Variants in AGPS observed in about 807,000 individuals in gnomAD.
AGPS encodes the protein alkyldihydroxyacetonephosphate synthase, peroxisomal.
Under a neutral mutation model 90.7 loss-of-function variants are expected in AGPS, and 26 were observed. The observed-to-expected ratio is 0.29, with a 90% CI of 0.21 to 0.40. AGPS has a LOEUF of 0.40. Among genes scored for constraint, AGPS ranks in the 10% least tolerant of loss-of-function variants. AGPS has a pLI of 1.00. For missense variants in AGPS, 540 were observed against 816.1 expected (o/e 0.66, Z 4.12); for synonymous variants, 294 against 285.3 (o/e 1.03, Z -0.31).
chr2:177,528,852 T>TC (rs1258644985), intron 19 of AGPS, among the ~76,000 whole-genome samples: 1 of 135,398 alleles, frequency 7.4e-6, no homozygotes, highest in Non-Finnish European at 1.6e-5. Context: ...ATTAATCCTT[T>TC]TTTTTTTTTT....
chr2:177,409,388 C>A (rs907412726), intron 1 of AGPS, among the ~76,000 whole-genome samples: 23 of 144,526 alleles, frequency 1.6e-4, no homozygotes, highest in Admixed American at 1.5e-3. Flanking sequence ...TATGATTTGA[C>A]TTTTTTTTTT....
intron 2 of AGPS, among the ~76,000 whole-genome samples, chr2:177,428,968 A>G (rs1054464923): frequency 1.3e-5 from 2 of 152,092 alleles, no homozygotes; most frequent in African/African-American, 4.8e-5. Flanking sequence ...TCATAGGTTC[A>G]GTCTTTTTTA....
At chr2:177,531,852 C>T (rs1201947299) in intron 19 of AGPS, among the ~76,000 whole-genome samples, 1 of 151,384 alleles carries the variant, frequency 6.6e-6, no homozygotes, top group African/African-American at 2.4e-5. Flanking sequence ...ATATGCCAAG[C>T]TGAGTTTGAC....
intron 1 of AGPS, among the ~76,000 whole-genome samples, chr2:177,413,843 A>G (rs1685708717): frequency 6.6e-6 from 1 of 152,206 alleles, no homozygotes; most frequent in South Asian, 2.1e-4. Flanking sequence ...AACATACACT[A>G]CTAAATGTAT....
At chr2:177,489,154 G>A (rs1056290710) in intron 11 of AGPS, among the ~76,000 whole-genome samples, 4 of 147,852 alleles carry the variant, frequency 2.7e-5, no homozygotes, top group Admixed American at 6.9e-5. Context: ...GTGCGATCTC[G>A]GCTCACTGCA....
At chr2:177,501,138 T>C (rs1383534032) in intron 14 of AGPS, among the ~76,000 whole-genome samples, 1 of 152,178 alleles carries the variant, frequency 6.6e-6, no homozygotes, top group African/African-American at 2.4e-5. Context: ...TACTTGGATT[T>C]CATAATTTCT....
chr2:177,467,707 T>C (rs954925536), intron 9 of AGPS, among the ~76,000 whole-genome samples: 15 of 152,276 alleles, frequency 9.9e-5, no homozygotes, highest in Admixed American at 7.8e-4. Flanking sequence ...CTCATTTCCT[T>C]CAATAATAAA....
rs529599847 is a variant in AGPS, at chr2:177,529,245, G to A, written c.1855+5440G>A. Among the ~76,000 whole-genome samples, 107 of 152,250 alleles carry A rather than the reference G, an allele frequency of 7.0e-4. No homozygotes were observed. The Middle Eastern group carries it at 0.01, about 15-fold the overall frequency. On this transcript the variant is annotated intron_variant, in intron 19 of 19. Transcript: ENST00000264167. ...ACTTTGGGAGGCCCAGGCAGAAAGA[G>A]TGCTTGAGCCCAGGAGTTTGAGACA...
chr2:177,455,870 G>C (rs1687096133), intron 8 of AGPS, among the ~76,000 whole-genome samples: 1 of 151,858 alleles, frequency 6.6e-6, no homozygotes, highest in Admixed American at 6.6e-5. Flanking sequence ...TATATCTGAA[G>C]GTCAGCTTGT....
At position 177,538,536 on chromosome 2, in the gene AGPS, A is replaced by G. The variant is rs942148579; in HGVS notation, c.*341A>G. 3 of 332,572 alleles carry G rather than the reference A, an allele frequency of 9.0e-6. No homozygotes were observed. Among genetic ancestry groups the G allele is most frequent in the South Asian group, 2.7e-5 (1 of 36,600 alleles). The allele number at this position is 332,572 out of a possible 1,614,324, so 20.6% of individuals were successfully genotyped here. Reference sequence around the variant, plus strand: ...CTTGGGGAACAAAGACAGATTTGGTATCATTGATTGCTCAGCTAGCCTCTT... The same window carrying G: ...CTTGGGGAACAAAGACAGATTTGGTGTCATTGATTGCTCAGCTAGCCTCTT... On this transcript the variant is annotated 3_prime_UTR_variant, in exon 20 of 20. Transcript: ENST00000264167.
rs570826449 is a variant in AGPS at position 177,488,370 on chromosome 2, G to A, written c.1234-4778G>A. Among the ~76,000 whole-genome samples, 24 of 151,850 alleles carry A rather than the reference G, an allele frequency of 1.6e-4. 1 individual carries two copies. The East Asian group carries it at 3.5e-3, about 22-fold the overall frequency. ...TGGGACTACAGGCGCCCGCCACCAC[G>A]CCCTGCTAATTTTGTTTTTGTATTT... On this transcript the variant is annotated intron_variant, in intron 11 of 19. Coordinates refer to ENST00000264167, the MANE Select transcript of AGPS (RefSeq NM_003659.4).
intron 8 of AGPS, among the ~76,000 whole-genome samples, chr2:177,448,865 G>A (rs1292137853): frequency 6.6e-6 from 1 of 151,906 alleles, no homozygotes; most frequent in African/African-American, 2.4e-5. Flanking sequence ...AACCCCCCAG[G>A]AATCACTGAT....
At chr2:177,433,897 T>C (rs1479634179) in intron 2 of AGPS, among the ~76,000 whole-genome samples, 2 of 152,152 alleles carry the variant, frequency 1.3e-5, no homozygotes, top group African/African-American at 2.4e-5. Flanking sequence ...CTTGCTTCTT[T>C]CTGTGATTTC....
chr2:177,432,411 T>C (rs537624782), intron 2 of AGPS, among the ~76,000 whole-genome samples: 1 of 152,354 alleles, frequency 6.6e-6, no homozygotes, highest in African/African-American at 2.4e-5. Flanking sequence ...ATCACATCTC[T>C]GGTTAAAGTT....
intron 8 of AGPS, among the ~76,000 whole-genome samples, chr2:177,451,740 A>C (rs1468652915): frequency 1.3e-5 from 2 of 152,174 alleles, no homozygotes; most frequent in Non-Finnish European, 2.9e-5. Context: ...GGATTTGTGA[A>C]AAAAATGTTA....
At chr2:177,414,155 A>G (rs920689401) in intron 1 of AGPS, among the ~76,000 whole-genome samples, 2 of 152,122 alleles carry the variant, frequency 1.3e-5, no homozygotes, top group Non-Finnish European at 2.9e-5. Flanking sequence ...TGTAGTAGGA[A>G]TTGGACCTTT....
At chr2:177,474,066 A>G (rs1687704531) in intron 10 of AGPS, among the ~76,000 whole-genome samples, 1 of 152,238 alleles carries the variant, frequency 6.6e-6, no homozygotes. Context: ...AAGTTTGTTA[A>G]TGTAACAGTA....
intron 10 of AGPS, among the ~76,000 whole-genome samples, chr2:177,477,764 C>G (rs1382275723): frequency 1.3e-5 from 2 of 152,022 alleles, no homozygotes; most frequent in African/African-American, 4.8e-5. Flanking sequence ...TATCCTTAGC[C>G]CAATAGAGCT....
rs554865816 is a variant in AGPS at position 177,511,023 on chromosome 2, T to C, written c.1608-2796T>C. On this transcript the variant is annotated intron_variant, in intron 16 of 19. Transcript: ENST00000264167. ...AATGAATATTCTTCATAGATTCTTATGAATGAGCTTGGGAATAATTTGAGA... is the reference window on the plus strand; with the variant it reads ...AATGAATATTCTTCATAGATTCTTACGAATGAGCTTGGGAATAATTTGAGA... 5.9e-4 allele frequency among the ~76,000 whole-genome samples: 90 copies of C among 152,308 alleles called. No homozygotes were observed. The Middle Eastern group carries it at 0.01, about 17-fold the overall frequency.
Sources: gnomAD v4.1 joint callset for allele counts (sites outside exome capture counted in the v4.1 genomes callset) on GRCh38, gnomAD v4.1.1 for gene constraint, MANE v1.5 for transcripts, NCBI Gene and HGNC (gene_info 2026-07-23, HGNC 2026-07-21) for gene names.